Variants in VAV2 observed in about 807,000 individuals in gnomAD.
The protein encoded by VAV2 is guanine nucleotide exchange factor VAV2.
Under a neutral mutation model 132.5 loss-of-function variants are expected in VAV2, and 67 were observed. That is an observed-to-expected ratio of 0.51 (90% CI 0.42 to 0.62). The LOEUF is 0.62. VAV2 is among the 20% of genes least tolerant of loss of function. VAV2 has a pLI of 0.00. For synonymous variants in VAV2, 492 were observed against 443.5 expected, an observed-to-expected ratio of 1.11 and a Z score of -1.37; for missense variants, 938 against 1,153.6, an observed-to-expected ratio of 0.81 and a Z score of 2.71.
chr9:133,862,544 T>C lies in VAV2; in HGVS notation c.322-1112A>G, dbSNP rs192018811. 1.1e-4 allele frequency among the ~76,000 whole-genome samples: 16 copies of C among 152,344 alleles called. No homozygotes were observed. In the East Asian group the frequency reaches 3.1e-3, roughly 29 times the overall value. ...ATGTTGCTTGTGCGTGCTACAAGTC[T>C]GTGTGCACTGCACGGCTGCGCAGCT... On this transcript the variant is annotated intron_variant, in intron 2 of 29. Transcript: ENST00000371850.
intron 3 of VAV2, among the ~76,000 whole-genome samples, chr9:133,836,904 G>C (rs1381969178): frequency 6.6e-6 from 1 of 152,186 alleles, no homozygotes; most frequent in East Asian, 1.9e-4. Flanking sequence ...TCCTATCCCT[G>C]AAGCCCAGCG....
intron 1 of VAV2, among the ~76,000 whole-genome samples, chr9:133,987,664 T>C (rs1403683683): frequency 1.3e-5 from 2 of 152,124 alleles, no homozygotes; most frequent in African/African-American, 2.4e-5. Flanking sequence ...ACCAGGACGA[T>C]GTGGGCAAGT....
chr9:133,907,267 C>G (rs1016433573), intron 2 of VAV2, among the ~76,000 whole-genome samples: 1 of 152,232 alleles, frequency 6.6e-6, no homozygotes, highest in African/African-American at 2.4e-5. Flanking sequence ...CCTGCCCTGC[C>G]CAGGCCAACA....
chr9:133,844,914 C>T (rs1047496886), intron 3 of VAV2, among the ~76,000 whole-genome samples: 3 of 152,258 alleles, frequency 2.0e-5, no homozygotes, highest in African/African-American at 7.2e-5. Context: ...AGACAGCTCC[C>T]GGGTTCCTCA....
At chr9:133,818,972 T>C (rs1241818109) in intron 4 of VAV2, among the ~76,000 whole-genome samples, 3 of 152,034 alleles carry the variant, frequency 2.0e-5, no homozygotes, top group Non-Finnish European at 4.4e-5. Flanking sequence ...CTCGAACTCC[T>C]GGCCTCAAGC....
chr9:133,805,903 T>C (rs994137760), intron 9 of VAV2, among the ~76,000 whole-genome samples, 178 bp downstream of exon 9: 1 of 152,090 alleles, frequency 6.6e-6, no homozygotes, highest in African/African-American at 2.4e-5. Context: ...ACCCTCTCCA[T>C]CAACCAGGCT....
chr9:133,819,994 A>G (rs1835721578), intron 4 of VAV2, among the ~76,000 whole-genome samples: 1 of 152,258 alleles, frequency 6.6e-6, no homozygotes, highest in South Asian at 2.1e-4. Flanking sequence ...TACCAGATGT[A>G]ATGGGTTTAA....
chr9:133,878,715 G>C (rs972488182), intron 2 of VAV2, among the ~76,000 whole-genome samples: 1 of 152,220 alleles, frequency 6.6e-6, no homozygotes, highest in Non-Finnish European at 1.5e-5. Flanking sequence ...AACCGCAGGG[G>C]GATCCCCCAA....
intron 4 of VAV2, among the ~76,000 whole-genome samples, chr9:133,815,642 GTTT>G: frequency 6.6e-6 from 1 of 152,150 alleles, no homozygotes; most frequent in Non-Finnish European, 1.5e-5. Flanking sequence ...GCTCATTCCT[GTTT>G]ACTGCTGAGT....
At chr9:133,830,636 C>A (rs1836227012) in intron 4 of VAV2, among the ~76,000 whole-genome samples, 1 of 152,148 alleles carries the variant, frequency 6.6e-6, no homozygotes, top group African/African-American at 2.4e-5. Context: ...ACAATTCAAG[C>A]AATCTTTAAA....
intron 2 of VAV2, among the ~76,000 whole-genome samples, chr9:133,893,351 G>A (rs1482662944): frequency 6.6e-6 from 1 of 152,198 alleles, no homozygotes; most frequent in African/African-American, 2.4e-5. Flanking sequence ...GGGTGGCGAA[G>A]GCGGCGGCAA....
At chr9:133,956,335 A>T (rs1362459538) in intron 1 of VAV2, among the ~76,000 whole-genome samples, 1 of 152,068 alleles carries the variant, frequency 6.6e-6, no homozygotes, top group African/African-American at 2.4e-5. Flanking sequence ...CCTCAGCCCA[A>T]GCCCCTGGGG....
chr9:133,779,605 A>G (rs559003625), intron 21 of VAV2, among the ~76,000 whole-genome samples: 3 of 152,262 alleles, frequency 2.0e-5, no homozygotes, highest in Non-Finnish European at 4.4e-5. Context: ...GTGGGAGAAC[A>G]GCAGCGCCTT....
At position 133,969,497 on chromosome 9, in the gene VAV2, G is replaced by A. The variant is rs2132251662; in HGVS notation, c.204+22578C>T. Among the ~76,000 whole-genome samples, 2 of 152,088 alleles carry A rather than the reference G, an allele frequency of 1.3e-5. No individual in the cohort carries two copies. Among genetic ancestry groups the A allele is most frequent in the Non-Finnish European group, 2.9e-5 (2 of 67,982 alleles). On this transcript the variant is annotated intron_variant, in intron 1 of 29. Coordinates refer to ENST00000371850, the MANE Select transcript of VAV2 (RefSeq NM_001134398.2). This position sits in a 1 kb window ranked among gnomAD's most constrained non-coding sequence, Gnocchi z 5.1. ...AGCACCACTGAGACAAGAAGCCTGA[G>A]GCCAACCAGGGAACCTCAGGGGTGG...
intron 4 of VAV2, among the ~76,000 whole-genome samples, chr9:133,819,842 TCTAAATGATG>T (rs1835715764): frequency 6.6e-6 from 1 of 152,100 alleles, no homozygotes; most frequent in Non-Finnish European, 1.5e-5. Flanking sequence ...ACACACATAT[TCTAAATGATG>T]AGAGAGGGAG....
chr9:133,971,462 CAG>C (rs528986716), intron 1 of VAV2, among the ~76,000 whole-genome samples: 1 of 152,192 alleles, frequency 6.6e-6, no homozygotes, highest in South Asian at 2.1e-4. Flanking sequence ...CACACACACA[CAG>C]AGGGGCAGCC....
At chr9:133,921,551 C>G (rs1324321749) in intron 2 of VAV2, among the ~76,000 whole-genome samples, 1 of 152,096 alleles carries the variant, frequency 6.6e-6, no homozygotes, top group Non-Finnish European at 1.5e-5. Flanking sequence ...TCCCTGCAGC[C>G]TCTCCCTGTG....
chr9:133,910,672 A>G (rs1839847941), intron 2 of VAV2, among the ~76,000 whole-genome samples: 1 of 150,484 alleles, frequency 6.6e-6, no homozygotes, highest in Non-Finnish European at 1.5e-5. Context: ...AAATTACAAA[A>G]ACTTAGCCGA....
intron 5 of VAV2, 111 bp from the exon 6 acceptor site, chr9:133,810,316 C>A: frequency 6.5e-7 from 1 of 1,543,786 alleles, no homozygotes; most frequent in Non-Finnish European, 8.8e-7. Flanking sequence ...AGCCAACAGA[C>A]CCAAAGCCAC....
Sources: gnomAD v4.1 joint callset for allele counts (sites outside exome capture counted in the v4.1 genomes callset) on GRCh38, gnomAD v4.1.1 for gene constraint, Gnocchi (gnomAD v3.1) non-coding constraint, MANE v1.5 for transcripts, NCBI Gene and HGNC (gene_info 2026-07-23, HGNC 2026-07-21) for gene names.